SULT4A1: variants seen among roughly 807,000 people sequenced by gnomAD.
The protein encoded by SULT4A1 is sulfotransferase family 4A member 1, also known as sulfotransferase 4A1.
A neutral mutation model predicts 35.2 loss-of-function variants in SULT4A1; 11 were observed. The ratio of observed to expected loss-of-function variants is 0.31; its 90% CI spans 0.20 to 0.52. The LOEUF (loss-of-function observed/expected upper bound fraction) is 0.52. Ranked by LOEUF, SULT4A1 falls within the 20% of genes least tolerant of loss-of-function variation. The pLI is 0.97. For missense variants in SULT4A1, 271 were observed against 383.7 expected (o/e 0.71, Z 2.45); for synonymous variants, 152 against 151.8 (o/e 1.00, Z -0.01).
At chr22:43,860,331 C>A (rs941734189) in intron 1 of SULT4A1, among the ~76,000 whole-genome samples, 1 of 151,986 alleles carries the variant, frequency 6.6e-6, no homozygotes, top group Non-Finnish European at 1.5e-5. Context: ...GGGGCCCTCT[C>A]GGCTTCCCCA....
At chr22:43,857,492 AG>A (rs1390287116) in intron 1 of SULT4A1, among the ~76,000 whole-genome samples, 2 of 152,198 alleles carry the variant, frequency 1.3e-5, no homozygotes, top group Non-Finnish European at 2.9e-5. Context: ...GGAATCTCAA[AG>A]GAAGAAAGAA....
chr22:43,848,491 C>A (rs548901514), intron 1 of SULT4A1, among the ~76,000 whole-genome samples: 62 of 152,328 alleles, frequency 4.1e-4, no homozygotes, highest in Non-Finnish European at 7.6e-4. Flanking sequence ...ACAGCCAACC[C>A]TGTGGTTCCC....
intron 2 of SULT4A1, among the ~76,000 whole-genome samples, chr22:43,840,645 A>G (rs1453129121): frequency 6.6e-6 from 1 of 152,178 alleles, no homozygotes; most frequent in East Asian, 1.9e-4. Context: ...TGGACCGCAC[A>G]GCAACCTGGC....
At chr22:43,859,951 C>T (rs1243884154) in intron 1 of SULT4A1, among the ~76,000 whole-genome samples, 1 of 152,214 alleles carries the variant, frequency 6.6e-6, no homozygotes, top group Non-Finnish European at 1.5e-5. Flanking sequence ...GCTAGAATGT[C>T]GCAAGCACAA....
At chr22:43,861,148 A>G (rs994748576) in intron 1 of SULT4A1, among the ~76,000 whole-genome samples, 2 of 152,114 alleles carry the variant, frequency 1.3e-5, no homozygotes, top group Non-Finnish European at 2.9e-5. Context: ...TCTCCAACCA[A>G]CACCCTCCAC....
chr22:43,830,637 G>A (rs1211218957), intron 5 of SULT4A1, among the ~76,000 whole-genome samples: 1 of 152,228 alleles, frequency 6.6e-6, no homozygotes, highest in African/African-American at 2.4e-5. Context: ...GGTACTAGCT[G>A]GCCACACGGT....
At chr22:43,848,837 T>TG (rs1251229844) in intron 1 of SULT4A1, among the ~76,000 whole-genome samples, 4 of 152,086 alleles carry the variant, frequency 2.6e-5, no homozygotes, top group African/African-American at 7.2e-5. Flanking sequence ...CCACCCTGAG[T>TG]GGGGAAGAGT....
intron 4 of SULT4A1, among the ~76,000 whole-genome samples, chr22:43,836,840 CCAGCCTACA>C (rs1264822686): frequency 6.6e-6 from 1 of 152,008 alleles, no homozygotes; most frequent in Non-Finnish European, 1.5e-5. Context: ...CCACAGGGAC[CCAGCCTACA>C]CAGCGTCCTG....
Position 43,845,939 on chromosome 22 carries a change from G to A in SULT4A1, c.170-4007C>T, listed in dbSNP as rs532701247. Among the ~76,000 whole-genome samples the A allele has an allele frequency of 5.2e-4, 79 of 152,224 alleles. 1 individual carries two copies. Among genetic ancestry groups the A allele is most frequent in the Admixed American group, 1.4e-3 (21 of 15,294 alleles). On this transcript the variant is annotated intron_variant, in intron 1 of 6. Coordinates refer to ENST00000330884, the MANE Select transcript of SULT4A1 (RefSeq NM_014351.4). ...TGGGTCCATGGAAAAACTGTCTTCC[G>A]CAAAACCACTCCCTGGTGCCAAAAA...
chr22:43,838,077 TGGC>T (rs1237345893), intron 4 of SULT4A1, among the ~76,000 whole-genome samples: 2 of 152,200 alleles, frequency 1.3e-5, no homozygotes, highest in Admixed American at 6.5e-5. Context: ...CCCAAAGCCA[TGGC>T]TGGCCATGGG....
rs1194740831 is a variant in SULT4A1, at chr22:43,862,326, G to A, written c.57C>T (p.Tyr19=). The part of the protein sequence containing the change: ...PSTPGEFESK[Y]FEFHGVRLPP... ...GCAGCCGCACGCCATGGAACTCGAA[G>A]TACTTGCTCTCGAACTCCCCCGGGG... is the stretch of plus-strand genomic sequence containing the variant. The change falls in exon 1 of 7, where the codon TAC becomes TAT. Residue 19 remains tyrosine, a synonymous_variant. Coordinates refer to ENST00000330884, the MANE Select transcript of SULT4A1 (RefSeq NM_014351.4). 1.3e-6 allele frequency: 2 copies of A among 1,554,566 alleles called. No homozygotes were observed. The highest frequency in any genetic ancestry group is 2.6e-5 in the East Asian group (1 of 38,342).
chr22:43,842,063 G>A (rs757922990), intron 1 of SULT4A1, 131 bp from the exon 2 acceptor site: 43 of 1,386,882 alleles, frequency 3.1e-5, no homozygotes, highest in Non-Finnish European at 3.9e-5. Flanking sequence ...ACTGAGTCTG[G>A]GAAGAGGAGC....
Sources: gnomAD v4.1 joint callset for allele counts (sites outside exome capture counted in the v4.1 genomes callset) on GRCh38, gnomAD v4.1.1 for gene constraint, MANE v1.5 for transcripts, NCBI Gene and HGNC (gene_info 2026-07-23, HGNC 2026-07-21) for gene names.